DDC: variants seen among roughly 807,000 people sequenced by gnomAD.
DDC encodes dopa decarboxylase.
In DDC, 43 loss-of-function variants were observed where a neutral mutation model predicts 60.0. The observed-to-expected ratio is 0.72, with a 90% confidence interval of 0.56 to 0.92. The LOEUF is 0.92. DDC is among the 40% of genes least tolerant of loss of function. The probability of loss-of-function intolerance (pLI) is 0.00; values close to 1 mark genes in which losing one functional copy is unlikely to be tolerated. For synonymous variants in DDC, 232 were observed against 234.6 expected (o/e 0.99, Z 0.10); for missense variants, 573 against 620.2 (o/e 0.92, Z 0.81).
At chr7:50,528,649 C>T (rs11575343) in intron 5 of DDC, among the ~76,000 whole-genome samples, 7,643 of 152,204 alleles carry the variant, frequency 0.05, 445 homozygotes, top group African/African-American at 0.14. Context: ...GTGCCCTGCC[C>T]CTGACTGTGG....
intron 1 of DDC, among the ~76,000 whole-genome samples, chr7:50,547,453 G>C (rs2044845333): frequency 6.6e-6 from 1 of 152,120 alleles, no homozygotes; most frequent in South Asian, 2.1e-4. Flanking sequence ...CTGATCTCAA[G>C]TGTTCTGTCT....
At chr7:50,505,431 A>C (rs1360501539) in intron 6 of DDC, among the ~76,000 whole-genome samples, 1 of 152,202 alleles carries the variant, frequency 6.6e-6, no homozygotes, top group Non-Finnish European at 1.5e-5. Context: ...TGTGACCTTT[A>C]TTGAGCCCCC....
chr7:50,547,379 T>A (rs2044842642), intron 1 of DDC, among the ~76,000 whole-genome samples: 1 of 145,764 alleles, frequency 6.9e-6, no homozygotes. Context: ...ACCTGGCTAA[T>A]TTTTTTTTTG....
chr7:50,477,403 G>A (rs533139649), intron 10 of DDC, among the ~76,000 whole-genome samples: 2 of 152,346 alleles, frequency 1.3e-5, no homozygotes, highest in South Asian at 4.1e-4. Context: ...CTTGTGCTCT[G>A]GGAGTAGATC....
chr7:50,552,818 A>G (rs1189057841), intron 1 of DDC, among the ~76,000 whole-genome samples: 1 of 152,172 alleles, frequency 6.6e-6, no homozygotes, highest in Non-Finnish European at 1.5e-5. Context: ...TCTACCTTTG[A>G]GACAATTCAA....
intron 9 of DDC, chr7:50,492,760 C>G (rs1003022696): frequency 5.5e-6 from 8 of 1,454,584 alleles, no homozygotes; most frequent in Non-Finnish European, 7.2e-6. Context: ...ATCACCTCCA[C>G]TTTGTCAAAT....
At chr7:50,529,452 T>G in intron 4 of DDC, 110 bp from the exon 5 acceptor site, 3 of 1,342,414 alleles carry the variant, frequency 2.2e-6, no homozygotes, top group African/African-American at 1.4e-5. Context: ...AAAATATGAG[T>G]CTGAAATGGC....
At chr7:50,554,490 C>T (rs1413767804) in intron 1 of DDC, among the ~76,000 whole-genome samples, 1 of 152,190 alleles carries the variant, frequency 6.6e-6, no homozygotes, top group African/African-American at 2.4e-5. Context: ...CTTCCTTCCT[C>T]CCTTTCTAGG....
At chr7:50,459,874 G>A (rs1429896387) in intron 14 of DDC, among the ~76,000 whole-genome samples, 5 of 142,252 alleles carry the variant, frequency 3.5e-5, no homozygotes, top group South Asian at 2.2e-4. Context: ...CCGTCCGGGA[G>A]GGAGGTGGGG....
At chr7:50,553,188 G>A (rs1199904638) in intron 1 of DDC, among the ~76,000 whole-genome samples, 1 of 152,206 alleles carries the variant, frequency 6.6e-6, no homozygotes, top group Non-Finnish European at 1.5e-5. Context: ...GGTACTGCCT[G>A]TTCATGCACG....
intron 6 of DDC, among the ~76,000 whole-genome samples, chr7:50,520,605 G>GA (rs1221379800): frequency 1.3e-5 from 2 of 152,030 alleles, no homozygotes; most frequent in East Asian, 1.9e-4. Flanking sequence ...TAATAACCTA[G>GA]AAAAAAAGGC....
chr7:50,492,570 G>T, intron 9 of DDC: 1 of 506,068 alleles, frequency 2.0e-6, no homozygotes, highest in Non-Finnish European at 2.7e-6. Context: ...CACCACTGTC[G>T]CCCACTCCAG....
At chr7:50,511,535 C>T (rs553635939) in intron 6 of DDC, among the ~76,000 whole-genome samples, 78 of 151,928 alleles carry the variant, frequency 5.1e-4, no homozygotes, top group African/African-American at 1.5e-3. Flanking sequence ...GAGGCCATCC[C>T]GGCTAACACG....
At chr7:50,556,428 A>AATC (rs2045190681) in intron 1 of DDC, among the ~76,000 whole-genome samples, 1 of 152,120 alleles carries the variant, frequency 6.6e-6, no homozygotes, top group African/African-American at 2.4e-5. Context: ...TTCATGACCT[A>AATC]ATCATCTCTC....
intron 6 of DDC, among the ~76,000 whole-genome samples, chr7:50,512,431 G>A (rs559873896): frequency 6.6e-6 from 1 of 152,158 alleles, no homozygotes; most frequent in African/African-American, 2.4e-5. Flanking sequence ...AAACTCTGGG[G>A]TCTATTGAAG....
rs112641000 is a variant in DDC at position 50,487,400 on chromosome 7, A to G, written c.945-7537T>C. ...GTGTATCGTAGGATGTGTTTTTGGT[A>G]AAGTTTATAAAACACGCGAGGATGT... On this transcript the variant is annotated intron_variant, in intron 9 of 14. Transcript: ENST00000444124. Among the ~76,000 whole-genome samples the G allele has an allele frequency of 6.9e-4, 105 of 152,280 alleles. 1 individual carries two copies. The highest frequency in any genetic ancestry group is 2.5e-3 in the African/African-American group (104 of 41,582).
intron 1 of DDC, among the ~76,000 whole-genome samples, chr7:50,563,561 A>G (rs1393587369): frequency 1.3e-5 from 2 of 152,122 alleles, no homozygotes; most frequent in African/African-American, 4.8e-5. Flanking sequence ...TAAAACTGCA[A>G]CATATTCTTG....
intron 9 of DDC, among the ~76,000 whole-genome samples, chr7:50,481,632 G>T (rs1023274865): frequency 2.0e-5 from 3 of 152,094 alleles, no homozygotes; most frequent in African/African-American, 4.8e-5. Flanking sequence ...TAAATTATAA[G>T]TATTAATAAA....
rs543135759 is a variant in DDC at position 50,461,636 on chromosome 7, G to A, written c.*18+1577C>T. On this transcript the variant is annotated intron_variant, in intron 14 of 14. Coordinates refer to ENST00000444124, the MANE Select transcript of DDC (RefSeq NM_001082971.2). ...TGCTTATGAGACAGATGCAAACGTG[G>A]GGTTGCAGAAATGCGAGTCGGGAGC... Among the ~76,000 whole-genome samples, 173 of 152,328 alleles carry A rather than the reference G, an allele frequency of 1.1e-3. 1 individual carries two copies. Among genetic ancestry groups the A allele is most frequent in the Middle Eastern group, 6.8e-3 (2 of 294 alleles).
Sources: gnomAD v4.1 joint callset for allele counts (sites outside exome capture counted in the v4.1 genomes callset) on GRCh38, gnomAD v4.1.1 for gene constraint, MANE v1.5 for transcripts, NCBI Gene and HGNC (gene_info 2026-07-23, HGNC 2026-07-21) for gene names.